The following UGT2A3 variants were observed in gnomAD, a reference collection of about 807,000 sequenced individuals.
UGT2A3 encodes the protein UDP glucuronosyltransferase family 2 member A3.
Under a neutral mutation model 44.1 loss-of-function variants are expected in UGT2A3, and 55 were observed. The observed-to-expected ratio is 1.25, with a 90% CI of 1.00 to 1.56. The LOEUF is 1.56. Among genes scored for constraint, UGT2A3 ranks in the 40% most tolerant of loss-of-function variants. The pLI is 0.00. For synonymous variants in UGT2A3, 243 were observed against 215.1 expected (o/e 1.13, Z -1.13); for missense variants, 733 against 621.6 (o/e 1.18, Z -1.91).
At chr4:68,938,130 A>T (rs945945066) in intron 2 of UGT2A3, among the ~76,000 whole-genome samples, 1 of 152,128 alleles carries the variant, frequency 6.6e-6, no homozygotes, top group Non-Finnish European at 1.5e-5. Flanking sequence ...CAGAGGTACA[A>T]ATAGGAGCTG....
intron 2 of UGT2A3, among the ~76,000 whole-genome samples, chr4:68,934,337 T>A (rs984502175): frequency 6.6e-6 from 1 of 151,926 alleles, no homozygotes; most frequent in Admixed American, 6.6e-5. Context: ...CAATTTATGA[T>A]AACATCTCAA....
intron 1 of UGT2A3, among the ~76,000 whole-genome samples, chr4:68,947,613 A>T (rs1186406381): frequency 1.3e-5 from 2 of 151,798 alleles, no homozygotes; most frequent in African/African-American, 4.8e-5. Flanking sequence ...ATCCTTTTGA[A>T]AAGGTTTTCA....
chr4:68,935,153 C>G (rs1024637537), intron 2 of UGT2A3, among the ~76,000 whole-genome samples: 3 of 151,018 alleles, frequency 2.0e-5, no homozygotes, highest in South Asian at 2.1e-4. Context: ...ATTAATAACA[C>G]TTTTTCTCAC....
intron 4 of UGT2A3, 98 bp downstream of exon 4, chr4:68,931,057 G>A: frequency 1.0e-6 from 1 of 1,004,004 alleles, no homozygotes; most frequent in Non-Finnish European, 1.5e-6. Flanking sequence ...GTAAAATAAA[G>A]TTTTATAATT....
intron 3 of UGT2A3, among the ~76,000 whole-genome samples, chr4:68,931,618 A>C (rs983837960): frequency 8.5e-5 from 13 of 152,082 alleles, no homozygotes; most frequent in Admixed American, 8.5e-4. Flanking sequence ...ATCTCATTCT[A>C]CCATCAAATT....
chr4:68,945,295 A>C lies in UGT2A3; in HGVS notation c.864+11T>G. On this transcript the variant is annotated intron_variant, in intron 2 of 5. Transcript: ENST00000251566. ...TAAAGTACATAATATTCCTTAATAC[A>C]ATAGTCCTACCTTAGGCAAAGCTTT... The C allele has an allele frequency of 6.2e-7, 1 of 1,610,742 alleles. No homozygotes were observed. Among genetic ancestry groups the C allele is most frequent in the South Asian group, 1.1e-5 (1 of 90,974 alleles).
At chr4:68,932,838 T>G in intron 2 of UGT2A3, 79 bp from the exon 3 acceptor site, 1 of 1,377,098 alleles carries the variant, frequency 7.3e-7, no homozygotes, top group Non-Finnish European at 1.0e-6. Flanking sequence ...ACTTCTAAAA[T>G]AAATACTTGA....
chr4:68,943,429 A>G (rs1469321347), intron 2 of UGT2A3: 1 of 783,260 alleles, frequency 1.3e-6, no homozygotes, highest in Non-Finnish European at 1.7e-6. Context: ...ATATTCATCA[A>G]TACACATCTT....
Position 68,951,053 on chromosome 4 carries a change from C to T in UGT2A3, c.708G>A (p.Lys236=). ...DYHFWEEFYS[K]ALGRPTTLCE... ...AAAACAAAAGTGTCTTACCTAATGC[C>T]TTACTATAAAACTCTTCCCAAAAAT... Residue 236 remains lysine (K), a synonymous_variant, in exon 1 of 6, where the codon AAG becomes AAA. Coordinates refer to ENST00000251566, the MANE Select transcript of UGT2A3 (RefSeq NM_024743.4). The T allele has an allele frequency of 6.4e-7, 1 of 1,560,852 alleles. No individual in the cohort carries two copies. The highest frequency in any genetic ancestry group is 8.6e-7 in the Non-Finnish European group (1 of 1,158,122).
chr4:68,934,137 C>T (rs192405973), intron 2 of UGT2A3, among the ~76,000 whole-genome samples: 12 of 151,608 alleles, frequency 7.9e-5, no homozygotes, highest in East Asian at 5.8e-4. Flanking sequence ...CTTAAATATC[C>T]GACATCAAAT....
At chr4:68,949,014 T>C (rs909891621) in intron 1 of UGT2A3, among the ~76,000 whole-genome samples, 3 of 151,686 alleles carry the variant, frequency 2.0e-5, no homozygotes, top group Non-Finnish European at 4.4e-5. Context: ...AGAAAGAAGG[T>C]GGATGTTCCT....
chr4:68,947,927 T>C (rs575615534), intron 1 of UGT2A3, among the ~76,000 whole-genome samples: 5 of 151,962 alleles, frequency 3.3e-5, no homozygotes, highest in Middle Eastern at 3.4e-3. Flanking sequence ...GTTCCATTGA[T>C]ATAACACAGG....
In UGT2A3 at chr4:68,929,269, T is replaced by G; in HGVS notation, c.*544A>C. The G allele has an allele frequency of 6.6e-6, 1 of 152,164 alleles. No individual in the cohort carries two copies. The highest frequency in any genetic ancestry group is 1.9e-4 in the East Asian group (1 of 5,184). 9.4% of individuals were successfully genotyped at this position (152,164 alleles called of 1,614,324 possible). On this transcript the variant is annotated 3_prime_UTR_variant, in exon 6 of 6. Coordinates refer to ENST00000251566, the MANE Select transcript of UGT2A3 (RefSeq NM_024743.4). ...TGAGGTCTATGGAAATACAGCAAAC[T>G]TTTCTAAGCATAATGCCATGTCATC...
chr4:68,934,528 A>T (rs1326266111), intron 2 of UGT2A3, among the ~76,000 whole-genome samples: 12 of 150,578 alleles, frequency 8.0e-5, no homozygotes, highest in African/African-American at 3.0e-4. Flanking sequence ...CTGAAAACAT[A>T]ACAAAATGAA....
intron 2 of UGT2A3, among the ~76,000 whole-genome samples, chr4:68,941,001 G>A (rs1470157237): frequency 4.0e-5 from 6 of 151,656 alleles, no homozygotes; most frequent in Non-Finnish European, 5.9e-5. Flanking sequence ...ATGTGCCTTT[G>A]TCATGGAAGC....
chr4:68,933,468 G>A (rs1447167864), intron 2 of UGT2A3, among the ~76,000 whole-genome samples: 1 of 151,964 alleles, frequency 6.6e-6, no homozygotes, highest in Non-Finnish European at 1.5e-5. Context: ...GTGTCAGAAG[G>A]GCTGAACCAC....
chr4:68,940,350 A>G (rs1345088497), intron 2 of UGT2A3, among the ~76,000 whole-genome samples: 3 of 152,150 alleles, frequency 2.0e-5, no homozygotes, highest in African/African-American at 7.2e-5. Flanking sequence ...CATATACACC[A>G]TGGAATACTA....
chr4:68,940,901 G>T (rs1429191467), intron 2 of UGT2A3, among the ~76,000 whole-genome samples: 2 of 151,308 alleles, frequency 1.3e-5, no homozygotes, highest in Non-Finnish European at 3.0e-5. Context: ...ATAAATTTAT[G>T]CATTTACTGC....
At chr4:68,937,585 A>G (rs1365950224) in intron 2 of UGT2A3, among the ~76,000 whole-genome samples, 1 of 152,158 alleles carries the variant, frequency 6.6e-6, no homozygotes, top group Non-Finnish European at 1.5e-5. Flanking sequence ...AATTTATATC[A>G]CTGAATGCCC....
Sources: gnomAD v4.1 joint callset for allele counts (sites outside exome capture counted in the v4.1 genomes callset) on GRCh38, gnomAD v4.1.1 for gene constraint, MANE v1.5 for transcripts, NCBI Gene and HGNC (gene_info 2026-07-23, HGNC 2026-07-21) for gene names.